The following ITPKB variants were observed in gnomAD, a reference collection of about 807,000 sequenced individuals.
ITPKB encodes the protein IP3 3-kinase B.
ITPKB carries 13 observed loss-of-function variants against 69.4 expected under a neutral mutation model. That is an observed-to-expected ratio of 0.19 (90% confidence interval 0.12 to 0.30). The LOEUF is 0.30. Ranked by LOEUF, ITPKB falls within the 10% of genes least tolerant of loss-of-function variation. ITPKB has a pLI of 1.00. For missense variants in ITPKB, 1,240 were observed against 1,250.5 expected, an observed-to-expected ratio of 0.99 and a Z score of 0.13; for synonymous variants, 584 against 513.7, an observed-to-expected ratio of 1.14 and a Z score of -1.85.
rs3754379 is a variant in ITPKB, at chr1:226,644,566, C to A, written c.2247-2441G>T. On this transcript the variant is annotated intron_variant, in intron 4 of 7. Coordinates refer to ENST00000429204, the MANE Select transcript of ITPKB (RefSeq NM_002221.4). ...CCAGGACAAGTCACAAATCTCAGAG[C>A]ATGCCCCAGAGCCACTGAGCACATG... Among the ~76,000 whole-genome samples, 5 of 152,210 alleles carry A rather than the reference C, an allele frequency of 3.3e-5. No homozygotes were observed. The East Asian group carries it at 9.6e-4, about 29-fold the overall frequency.
chr1:226,723,445 G>A (rs879355563), intron 2 of ITPKB, among the ~76,000 whole-genome samples: 7 of 152,132 alleles, frequency 4.6e-5, no homozygotes, highest in Non-Finnish European at 1.0e-4. Flanking sequence ...GCACGTGCCT[G>A]GCCTGGCACC....
At chr1:226,639,804 G>A (rs1170626342) in intron 5 of ITPKB, 146 bp from the exon 6 acceptor site, 5 of 661,078 alleles carry the variant, frequency 7.6e-6, no homozygotes, top group African/African-American at 5.3e-5. Flanking sequence ...TCCACGTATG[G>A]CGCATGGAGG....
chr1:226,636,236 G>T (rs1400116651), intron 7 of ITPKB, among the ~76,000 whole-genome samples: 1 of 152,232 alleles, frequency 6.6e-6, no homozygotes, highest in East Asian at 1.9e-4. Flanking sequence ...TGGGGCAAAG[G>T]GGGCTCTGGC....
intron 2 of ITPKB, among the ~76,000 whole-genome samples, chr1:226,652,009 G>A (rs748645969): frequency 1.3e-5 from 2 of 152,244 alleles, no homozygotes; most frequent in Non-Finnish European, 2.9e-5. Context: ...TTCCACTTGT[G>A]AGAATGCCAT....
chr1:226,644,292 G>C (rs138429550), intron 4 of ITPKB, among the ~76,000 whole-genome samples: 8 of 152,336 alleles, frequency 5.3e-5, no homozygotes, highest in African/African-American at 1.9e-4. Flanking sequence ...ACACTCCCCT[G>C]CCTGCCCGAG....
At chr1:226,726,836 C>T (rs1191029629) in intron 2 of ITPKB, among the ~76,000 whole-genome samples, 1 of 152,120 alleles carries the variant, frequency 6.6e-6, no homozygotes, top group Non-Finnish European at 1.5e-5. Context: ...TTCTCACTTC[C>T]CAGCTGTAAC....
rs181036161 is a variant in ITPKB at position 226,637,639 on chromosome 1, C to T, written c.2625+40G>A. ...GAGAAGGAGAAGGCCTGTTGGCACG[C>T]GCAGCATTCTGCTCAAGAGGGCAAA... On this transcript the variant is annotated intron_variant, in intron 7 of 7. Transcript: ENST00000429204. The surrounding 1 kb of genome is among the most constrained non-coding windows in gnomAD (Gnocchi z 4.3). The T allele has an allele frequency of 7.3e-6, 11 of 1,498,696 alleles. No homozygotes were observed. The African/African-American group carries it at 8.3e-5, about 11-fold the overall frequency. 92.8% of individuals were successfully genotyped at this position (1,498,696 alleles called of 1,614,324 possible).
At chr1:226,659,400 T>C (rs1366762232) in intron 2 of ITPKB, among the ~76,000 whole-genome samples, 1 of 151,964 alleles carries the variant, frequency 6.6e-6, no homozygotes, top group African/African-American at 2.4e-5. Flanking sequence ...CACCCCCAGA[T>C]ACGGCCCCAC....
chr1:226,701,403 G>C (rs1371503474), intron 2 of ITPKB, among the ~76,000 whole-genome samples: 54 of 151,838 alleles, frequency 3.6e-4, no homozygotes, highest in Non-Finnish European at 3.1e-4. Context: ...AGGAGATCGA[G>C]ACCATCCTGG....
At chr1:226,725,973 T>A (rs777368769) in intron 2 of ITPKB, among the ~76,000 whole-genome samples, 1 of 152,228 alleles carries the variant, frequency 6.6e-6, no homozygotes, top group Non-Finnish European at 1.5e-5. Context: ...ATACTCTTCA[T>A]GAGTGAGTGC....
chr1:226,638,870 G>A (rs1668892986), intron 6 of ITPKB, among the ~76,000 whole-genome samples: 1 of 151,888 alleles, frequency 6.6e-6, no homozygotes, highest in Non-Finnish European at 1.5e-5. Flanking sequence ...TCAGGGCATG[G>A]GAAATGCTCT....
intron 2 of ITPKB, among the ~76,000 whole-genome samples, chr1:226,675,883 A>G (rs1045447238): frequency 1.3e-5 from 2 of 152,178 alleles, no homozygotes; most frequent in African/African-American, 2.4e-5. Context: ...GCACTTCCTC[A>G]ACCCACCTTA....
chr1:226,701,422 G>A (rs1656634032), intron 2 of ITPKB, among the ~76,000 whole-genome samples: 1 of 151,540 alleles, frequency 6.6e-6, no homozygotes, highest in Admixed American at 6.6e-5. Flanking sequence ...GGCTAACACG[G>A]TGAAACCCCG....
At chr1:226,688,094 G>T (rs1339858566) in intron 2 of ITPKB, among the ~76,000 whole-genome samples, 1 of 152,182 alleles carries the variant, frequency 6.6e-6, no homozygotes, top group Admixed American at 6.5e-5. Context: ...CCTCTGGCAA[G>T]AAAAAACAAA....
rs753391258 is a variant in ITPKB at position 226,737,438 on chromosome 1, C to T, written c.21G>A (p.Ala7=). The part of the protein sequence containing the change: MAVYCY[A]LNSLVIMNSA... ...TATTCATGATCACCAGGCTATTGAG[C>T]GCATAGCAGTACACAGCCATAGTAC... The change falls in exon 2 of 8, where the codon GCG becomes GCA. Residue 7 remains alanine (A), a synonymous_variant. Transcript: ENST00000429204. The T allele has an allele frequency of 1.9e-5, 31 of 1,611,068 alleles. No homozygotes were observed. In the South Asian group the frequency reaches 3.2e-4, roughly 17 times the overall value.
At position 226,738,999 on chromosome 1, in the gene ITPKB, G is replaced by A. The variant is rs1037097764; in HGVS notation, c.-206+42C>T. On this transcript the variant is annotated intron_variant, in intron 1 of 7. Coordinates refer to ENST00000429204, the MANE Select transcript of ITPKB (RefSeq NM_002221.4). The surrounding 1 kb of genome is among the most constrained non-coding windows in gnomAD (Gnocchi z 4.2). Reference sequence around the variant, plus strand: ...AGAGCAGAAAGTGAGGGAAAAGAGGGTTGTTCAGAGGCGAGAGCCATTAAA... The same window carrying A: ...AGAGCAGAAAGTGAGGGAAAAGAGGATTGTTCAGAGGCGAGAGCCATTAAA... The A allele has an allele frequency of 3.9e-5, 6 of 152,286 alleles. No homozygotes were observed. The highest frequency in any genetic ancestry group is 1.4e-4 in the African/African-American group (6 of 41,438). 9.4% of individuals were successfully genotyped at this position (152,286 alleles called of 1,614,324 possible).
intron 2 of ITPKB, among the ~76,000 whole-genome samples, chr1:226,733,835 CCT>C (rs1218025789): frequency 1.3e-5 from 2 of 152,198 alleles, no homozygotes; most frequent in Non-Finnish European, 2.9e-5. Flanking sequence ...TATTGATCTC[CCT>C]GTTAATTCTC....
At chr1:226,700,465 CAAAAAAAAAA>C (rs58320585) in intron 2 of ITPKB, among the ~76,000 whole-genome samples, 10 of 53,942 alleles carry the variant, frequency 1.9e-4, no homozygotes, top group African/African-American at 5.1e-4. Context: ...AAGACTCCGT[CAAAAAAAAAA>C]AAAAAAAAAA....
rs140216729 is a variant in ITPKB at position 226,737,657 on chromosome 1, C to T, written c.-199G>A. The stretch of plus-strand genomic sequence containing the variant: ...CCCCGCCCAAAGCTCCATAAACAAC[C>T]GTGCGGCTGTGGAGATACAAGGAGA... On this transcript the variant is annotated 5_prime_UTR_variant, in exon 2 of 8. Transcript: ENST00000429204. The T allele has an allele frequency of 1.8e-3, 1,875 of 1,064,244 alleles. 33 individuals carry two copies. The African/African-American group carries it at 0.029, about 16-fold the overall frequency. The allele number at this position is 1,064,244 out of a possible 1,614,324, so 65.9% of individuals were successfully genotyped here. A position where few individuals can be genotyped will look rare whatever the true frequency, so the allele number is the denominator to read the frequency against.
Sources: allele counts gnomAD v4.1 joint callset (sites outside exome capture counted in the v4.1 genomes callset), GRCh38; gene constraint gnomAD v4.1.1; non-coding constraint Gnocchi (gnomAD v3.1); transcripts MANE v1.5; gene names NCBI Gene and HGNC (gene_info 2026-07-23, HGNC 2026-07-21).